CPED1: variants seen among roughly 807,000 people sequenced by gnomAD.
CPED1 encodes the protein cadherin like and PC-esterase domain containing 1.
Under a neutral mutation model 128.2 loss-of-function variants are expected in CPED1, and 114 were observed. The ratio of observed to expected loss-of-function variants is 0.89; its 90% CI spans 0.76 to 1.04. The LOEUF is 1.04. Ranked by LOEUF, CPED1 falls within the 50% of genes least tolerant of loss-of-function variation. The probability of loss-of-function intolerance (pLI) is 0.00; values close to 1 mark genes in which losing one functional copy is unlikely to be tolerated. For synonymous variants in CPED1, 462 were observed against 426.7 expected, an observed-to-expected ratio of 1.08 and a Z score of -1.02; for missense variants, 1,211 against 1,207.1, an observed-to-expected ratio of 1.00 and a Z score of -0.05.
chr7:121,024,021 A>G (rs1328881442), intron 3 of CPED1, among the ~76,000 whole-genome samples: 1 of 152,152 alleles, frequency 6.6e-6, no homozygotes, highest in Non-Finnish European at 1.5e-5. Flanking sequence ...GGGGGAAAAA[A>G]GGAATTGAAT....
intron 16 of CPED1, among the ~76,000 whole-genome samples, chr7:121,199,673 C>CAAAAAAAAAAAAAAAAAAAA (rs1160203035): frequency 3.5e-5 from 3 of 86,944 alleles, no homozygotes; most frequent in African/African-American, 1.4e-4. Flanking sequence ...GAGACTCCAT[C>CAAAAAAAAAAAAAAAAAAAA]AAAAAAAAAA....
chr7:121,202,276 C>G (rs905981208), intron 16 of CPED1, among the ~76,000 whole-genome samples: 1 of 152,110 alleles, frequency 6.6e-6, no homozygotes, highest in African/African-American at 2.4e-5. Context: ...TGTGTTGTGC[C>G]TCTGCTGGAA....
Position 121,066,558 on chromosome 7 carries a change from A to G in CPED1, c.616+2245A>G, listed in dbSNP as rs549742620. Among the ~76,000 whole-genome samples, 9 of 152,162 alleles carry G rather than the reference A, an allele frequency of 5.9e-5. No individual in the cohort carries two copies. The South Asian group carries it at 1.0e-3, about 18-fold the overall frequency. ...AGAACACTTAATATTTTCTCCCTTTACATGATAAATTATCACTAAGATTTT... is the reference window on the plus strand; with the variant it reads ...AGAACACTTAATATTTTCTCCCTTTGCATGATAAATTATCACTAAGATTTT... On this transcript the variant is annotated intron_variant, in intron 5 of 22. Coordinates refer to ENST00000310396, the MANE Select transcript of CPED1 (RefSeq NM_024913.5).
intron 11 of CPED1, among the ~76,000 whole-genome samples, chr7:121,129,287 GTATA>G (rs374141620): frequency 0.058 from 3,003 of 51,914 alleles, 143 homozygotes; most frequent in African/African-American, 0.16. Context: ...GTGTATATAT[GTATA>G]TATATATATA....
chr7:121,229,812 G>A lies in CPED1; in HGVS notation c.2056-6902G>A, dbSNP rs533669758. On this transcript the variant is annotated intron_variant, in intron 16 of 22. Coordinates refer to ENST00000310396, the MANE Select transcript of CPED1 (RefSeq NM_024913.5). ...TAAAATGTTTGTTTTTTTAGTTCAC[G>A]TCCTAAAAAAAGAAATGTGAGTGCT... Among the ~76,000 whole-genome samples, 26 of 151,606 alleles carry A rather than the reference G, an allele frequency of 1.7e-4. No individual in the cohort carries two copies. In the East Asian group the frequency reaches 3.3e-3, roughly 19 times the overall value.
rs138169039 is a variant in CPED1 at position 121,023,709 on chromosome 7, C to G, written c.433+7861C>G. On this transcript the variant is annotated intron_variant, in intron 3 of 22. Coordinates refer to ENST00000310396, the MANE Select transcript of CPED1 (RefSeq NM_024913.5). ...AGGTGGCCCTCTTGGACTAATAGTG[C>G]ACATTTATAGCAGATGCTTCTGCTG... 3.3e-3 allele frequency among the ~76,000 whole-genome samples: 509 copies of G among 152,188 alleles called. 2 individuals are homozygous for G. The highest frequency in any genetic ancestry group is 4.4e-3 in the Non-Finnish European group (301 of 67,994).
intron 5 of CPED1, among the ~76,000 whole-genome samples, chr7:121,078,630 A>G (rs1193777164): frequency 1.3e-5 from 2 of 151,712 alleles, no homozygotes; most frequent in Non-Finnish European, 2.9e-5. Flanking sequence ...CTTTCTGCAG[A>G]TGGGCTTTCT....
chr7:121,280,407 A>G (rs764975618), intron 22 of CPED1, among the ~76,000 whole-genome samples: 10 of 152,182 alleles, frequency 6.6e-5, no homozygotes, highest in Admixed American at 1.3e-4. Context: ...CTCAGAGCAG[A>G]ATTTGTTCCC....
chr7:121,117,095 A>ATT (rs1795265344), intron 7 of CPED1, among the ~76,000 whole-genome samples: 1 of 143,948 alleles, frequency 6.9e-6, no homozygotes, highest in African/African-American at 2.6e-5. Flanking sequence ...ATATATATAT[A>ATT]TATAAATATA....
chr7:121,090,610 C>T (rs1213680929), intron 5 of CPED1, among the ~76,000 whole-genome samples: 1 of 152,124 alleles, frequency 6.6e-6, no homozygotes, highest in Non-Finnish European at 1.5e-5. Context: ...CAAAGATACT[C>T]TGGTCAATGC....
At chr7:121,173,482 A>G (rs1168773460) in intron 16 of CPED1, among the ~76,000 whole-genome samples, 1 of 151,958 alleles carries the variant, frequency 6.6e-6, no homozygotes, top group Non-Finnish European at 1.5e-5. Flanking sequence ...TTTAGCTCCC[A>G]CTTATAAGTG....
At chr7:121,074,709 G>A (rs772531739) in intron 5 of CPED1, among the ~76,000 whole-genome samples, 1 of 151,862 alleles carries the variant, frequency 6.6e-6, no homozygotes. Context: ...TCCTTTGCTA[G>A]CATTAAAATC....
chr7:121,166,934 T>C (rs1796540466), intron 16 of CPED1, among the ~76,000 whole-genome samples: 3 of 152,060 alleles, frequency 2.0e-5, no homozygotes, highest in Non-Finnish European at 4.4e-5. Context: ...GTGCGTCTGG[T>C]GTTTGAGCTG....
At chr7:121,070,340 T>G (rs1032361590) in intron 5 of CPED1, among the ~76,000 whole-genome samples, 35 of 152,122 alleles carry the variant, frequency 2.3e-4, no homozygotes, top group South Asian at 6.2e-4. Flanking sequence ...GTTCTCTGTG[T>G]TCTCAAATCC....
chr7:121,235,167 A>G (rs1446570106), intron 16 of CPED1, among the ~76,000 whole-genome samples: 1 of 152,120 alleles, frequency 6.6e-6, no homozygotes, highest in Non-Finnish European at 1.5e-5. Context: ...CTCCACTAAA[A>G]ATAAATGGTT....
At chr7:121,191,409 C>T (rs1206668101) in intron 16 of CPED1, among the ~76,000 whole-genome samples, 1 of 152,074 alleles carries the variant, frequency 6.6e-6, no homozygotes, top group Non-Finnish European at 1.5e-5. Flanking sequence ...CAGTACAAGA[C>T]AGGCTGAGGA....
chr7:120,994,657 G>GTGTGTGTGTGTGTGTGTTGTTGT (rs148572524), intron 2 of CPED1, among the ~76,000 whole-genome samples: 1 of 149,194 alleles, frequency 6.7e-6, no homozygotes, highest in African/African-American at 2.5e-5. Flanking sequence ...GTGTGTGTGT[G>GTGTGTGTGTGTGTGTGTTGTTGT]TGTTGTTGTT....
chr7:121,202,433 G>A (rs1307611212), intron 16 of CPED1, among the ~76,000 whole-genome samples: 1 of 152,110 alleles, frequency 6.6e-6, no homozygotes, highest in Non-Finnish European at 1.5e-5. Context: ...CCATAAGAGG[G>A]TTTAAGCCTG....
At chr7:120,994,595 A>G (rs1796361961) in intron 2 of CPED1, among the ~76,000 whole-genome samples, 1 of 151,802 alleles carries the variant, frequency 6.6e-6, no homozygotes, top group African/African-American at 2.4e-5. Context: ...ATAGCCTGAT[A>G]CATTTGGAGA....
Sources: allele counts gnomAD v4.1 joint callset (sites outside exome capture counted in the v4.1 genomes callset), GRCh38; gene constraint gnomAD v4.1.1; transcripts MANE v1.5; gene names NCBI Gene and HGNC (gene_info 2026-07-23, HGNC 2026-07-21).